Variants in OSTN observed in about 807,000 individuals in gnomAD.
OSTN encodes the protein osteocrin.
OSTN carries 9 observed loss-of-function variants against 12.0 expected under a neutral mutation model. That is an observed-to-expected ratio of 0.75 (90% CI 0.45 to 1.30). The LOEUF (loss-of-function observed/expected upper bound fraction) is 1.30, where lower values mean the gene tolerates loss of function less well. OSTN is among the 50% of genes most tolerant of loss of function. The pLI is 0.00. For synonymous variants in OSTN, 59 were observed against 56.9 expected, an observed-to-expected ratio of 1.04 and a Z score of -0.16; for missense variants, 148 against 152.3, an observed-to-expected ratio of 0.97 and a Z score of 0.15.
chr3:191,246,344 G>A (rs1375987272), intron 3 of OSTN, among the ~76,000 whole-genome samples: 1 of 151,780 alleles, frequency 6.6e-6, no homozygotes, highest in Non-Finnish European at 1.5e-5. Flanking sequence ...GGTGGCTCAC[G>A]CCAGTAATCC....
chr3:191,219,963 G>A (rs1241901577), intron 3 of OSTN, among the ~76,000 whole-genome samples: 2 of 151,900 alleles, frequency 1.3e-5, no homozygotes, highest in Non-Finnish European at 2.9e-5. Context: ...TCCTGTACTC[G>A]GCTAGCAGGC....
chr3:191,228,356 T>C (rs1714966009), intron 3 of OSTN, among the ~76,000 whole-genome samples: 1 of 152,180 alleles, frequency 6.6e-6, no homozygotes, highest in African/African-American at 2.4e-5. Flanking sequence ...CAATGGGCAT[T>C]TGGCATTGAC....
At chr3:191,222,343 G>A (rs930882631) in intron 3 of OSTN, among the ~76,000 whole-genome samples, 1 of 152,054 alleles carries the variant, frequency 6.6e-6, no homozygotes, top group Non-Finnish European at 1.5e-5. Context: ...GCCAAGAGGG[G>A]ATGACCTGGA....
intron 3 of OSTN, among the ~76,000 whole-genome samples, chr3:191,220,075 C>T (rs1368768471): frequency 1.3e-5 from 2 of 152,092 alleles, no homozygotes; most frequent in African/African-American, 4.8e-5. Context: ...TAATCTGGAA[C>T]CTCATTTCTT....
intron 2 of OSTN, among the ~76,000 whole-genome samples, chr3:191,216,599 T>A (rs1056921775): frequency 2.6e-5 from 4 of 151,954 alleles, no homozygotes; most frequent in Non-Finnish European, 5.9e-5. Context: ...ATATTTTGAA[T>A]GCTTTGCTGC....
intron 4 of OSTN, among the ~76,000 whole-genome samples, chr3:191,254,169 A>C: frequency 6.6e-6 from 1 of 152,246 alleles, no homozygotes; most frequent in East Asian, 1.9e-4. Context: ...ATGCAGATAA[A>C]CAGATCTTTA....
At chr3:191,260,788 A>T (rs1357936243) in intron 4 of OSTN, among the ~76,000 whole-genome samples, 1 of 152,182 alleles carries the variant, frequency 6.6e-6, no homozygotes, top group Non-Finnish European at 1.5e-5. Context: ...ACTGAACAAG[A>T]GGGAACTTTA....
At chr3:191,245,231 C>T (rs1050629705) in intron 3 of OSTN, among the ~76,000 whole-genome samples, 3 of 152,046 alleles carry the variant, frequency 2.0e-5, no homozygotes, top group African/African-American at 7.2e-5. Flanking sequence ...AAATGTGAAC[C>T]CTGAGAGGTA....
chr3:191,226,114 T>A (rs1339158859), intron 3 of OSTN, among the ~76,000 whole-genome samples: 5 of 152,108 alleles, frequency 3.3e-5, no homozygotes, highest in African/African-American at 1.2e-4. Flanking sequence ...ATCTCATATA[T>A]GAATATCGAG....
intron 3 of OSTN, among the ~76,000 whole-genome samples, chr3:191,234,829 C>T (rs1715149694): frequency 6.6e-6 from 1 of 151,632 alleles, no homozygotes; most frequent in Non-Finnish European, 1.5e-5. Context: ...TCCTCCTCTT[C>T]CTCTATTCTG....
chr3:191,211,591 C>T (rs1302630394), intron 1 of OSTN, among the ~76,000 whole-genome samples: 1 of 152,158 alleles, frequency 6.6e-6, no homozygotes, highest in Non-Finnish European at 1.5e-5. Flanking sequence ...CCAATTTTCT[C>T]CAAATGATTA....
chr3:191,212,867 C>CTTTTTT (rs397991965), intron 2 of OSTN, among the ~76,000 whole-genome samples: 196 of 93,072 alleles, frequency 2.1e-3, no homozygotes, highest in East Asian at 6.8e-3. Context: ...TCTTTTCTTT[C>CTTTTTT]TTTTTTTTTT....
chr3:191,249,915 G>C, intron 3 of OSTN, 122 bp from the exon 4 acceptor site: 1 of 686,024 alleles, frequency 1.5e-6, no homozygotes, highest in Non-Finnish European at 2.6e-6. Context: ...CTGGTGAGTG[G>C]GAACTATCAT....
chr3:191,250,922 T>C (rs2108552561), intron 4 of OSTN, among the ~76,000 whole-genome samples: 1 of 152,280 alleles, frequency 6.6e-6, no homozygotes, highest in East Asian at 1.9e-4. Context: ...TATTGATGTA[T>C]AAGGGTTAAA....
In OSTN at chr3:191,264,739, G is replaced by C. The variant is rs1715883302; in HGVS notation, c.*1886G>C. On this transcript the variant is annotated 3_prime_UTR_variant, in exon 5 of 5. Transcript: ENST00000682035. ...TCCTTGTATGCACATTTGGGTATTT[G>C]TAAGCTTCTAATCCAATTGGGTTCT... The C allele has an allele frequency of 1.3e-5, 2 of 152,082 alleles. No homozygotes were observed. Among genetic ancestry groups the C allele is most frequent in the South Asian group, 4.1e-4 (2 of 4,828 alleles). The allele number at this position is 152,082 out of a possible 1,614,324, so 9.4% of individuals were successfully genotyped here. A position where few individuals can be genotyped will look rare whatever the true frequency, so the allele number is the denominator to read the frequency against.
At chr3:191,213,244 A>G (rs1392171060) in intron 2 of OSTN, 1 of 152,222 alleles carries the variant, frequency 6.6e-6, no homozygotes, top group Non-Finnish European at 1.5e-5. Context: ...AAGAAAATGT[A>G]CACAAAATAA....
Position 191,218,787 on chromosome 3 carries a change from C to T in OSTN, c.143C>T (p.Thr48Ile). 17 of 1,614,082 alleles carry T rather than the reference C, an allele frequency of 1.1e-5. No homozygotes were observed. The highest frequency in any genetic ancestry group is 1.4e-5 in the Non-Finnish European group (17 of 1,179,978). ...GTCATAGATGTGCAGTCAACACCCA[C>T]AGTCAGGGAAGAGAAATCAGCCACT... The part of the protein sequence containing the change: ...SGVIDVQSTP[T>I]VREEKSATDL... The change falls in exon 3 of 5, where the codon ACA (threonine) becomes ATA (isoleucine). Residue 48 changes from threonine (T) to isoleucine (I), a missense_variant. Thr to Ile is a moderately conservative substitution (Grantham distance 89). Coordinates refer to ENST00000682035, the MANE Select transcript of OSTN (RefSeq NM_198184.2).
In OSTN at chr3:191,239,106, G is replaced by A. The variant is rs907013509; in HGVS notation, c.318-10931G>A. Among the ~76,000 whole-genome samples the A allele has an allele frequency of 9.9e-5, 15 of 152,210 alleles. No homozygotes were observed. In the East Asian group the frequency reaches 2.7e-3, roughly 27 times the overall value. ...CCAGGTTCTCGGCGTCTTGAACAAA[G>A]AATTAAACAAAACGCACAAACAAAG... On this transcript the variant is annotated intron_variant, in intron 3 of 4. Coordinates refer to ENST00000682035, the MANE Select transcript of OSTN (RefSeq NM_198184.2).
At chr3:191,254,911 C>T (rs1715636644) in intron 4 of OSTN, among the ~76,000 whole-genome samples, 2 of 152,120 alleles carry the variant, frequency 1.3e-5, no homozygotes, top group African/African-American at 4.8e-5. Flanking sequence ...CTTGTACACA[C>T]CTGTATGAAT....
Sources: gnomAD v4.1 joint callset for allele counts (sites outside exome capture counted in the v4.1 genomes callset) on GRCh38, gnomAD v4.1.1 for gene constraint, MANE v1.5 for transcripts, NCBI Gene and HGNC (gene_info 2026-07-23, HGNC 2026-07-21) for gene names.